NCKAP5: variants seen among roughly 807,000 people sequenced by gnomAD.
NCKAP5 encodes the protein NCK associated protein 5, also known as nck-associated protein 5.
A neutral mutation model predicts 167.0 loss-of-function variants in NCKAP5; 92 were observed. The ratio of observed to expected loss-of-function variants is 0.55; its 90% CI spans 0.47 to 0.66. The LOEUF (loss-of-function observed/expected upper bound fraction) is 0.66. Ranked by LOEUF, NCKAP5 falls within the 30% of genes least tolerant of loss-of-function variation. NCKAP5 has a pLI of 0.00. For missense variants in NCKAP5, 2,378 were observed against 2,315.0 expected (o/e 1.03, Z -0.56); for synonymous variants, 891 against 877.4 (o/e 1.02, Z -0.27).
chr2:133,433,394 T>C (rs1017322968), intron 3 of NCKAP5: 2 of 152,206 alleles, frequency 1.3e-5, no homozygotes, highest in African/African-American at 4.8e-5. Flanking sequence ...TGACAGGAAC[T>C]TTGAAAACTG....
rs764603879 is a variant in NCKAP5, at chr2:132,785,092, C to T, written c.1719G>A (p.Met573Ile). The change falls in exon 14 of 20, where the codon ATG becomes ATA. Residue 573 changes from methionine (M) to isoleucine (I), a missense_variant. Coordinates refer to ENST00000409261, the MANE Select transcript of NCKAP5 (RefSeq NM_207363.3). ...TGTCTGAAAGCTGGAGGTTGAGAGC[C>T]ATGCGGCCATGGCCTTGGCCCTGTG... is the stretch of plus-strand genomic sequence containing the variant. ...RGPQGQGHGR[M>I]ALNLQLSDTD... 6.2e-7 allele frequency: 1 copy of T among 1,614,042 alleles called. No homozygotes were observed. The highest frequency in any genetic ancestry group is 1.7e-5 in the Admixed American group (1 of 60,028).
intron 6 of NCKAP5, among the ~76,000 whole-genome samples, chr2:133,046,803 G>T (rs2079416350): frequency 6.6e-6 from 1 of 152,174 alleles, no homozygotes. Context: ...AAGAAAAAAG[G>T]AATGTCTAGA....
chr2:133,356,900 A>G (rs1475840259), intron 3 of NCKAP5, among the ~76,000 whole-genome samples: 1 of 152,220 alleles, frequency 6.6e-6, no homozygotes, highest in Non-Finnish European at 1.5e-5. Flanking sequence ...ATGTTCCTTT[A>G]CAACATTCCT....
chr2:132,962,757 AT>A (rs373078986), intron 8 of NCKAP5, among the ~76,000 whole-genome samples: 106 of 152,006 alleles, frequency 7.0e-4, no homozygotes, highest in African/African-American at 2.2e-3. Context: ...CGCCTGGCTA[AT>A]TTTTTTGTAT....
chr2:133,047,359 C>T (rs1489495662), intron 6 of NCKAP5, among the ~76,000 whole-genome samples: 4 of 152,166 alleles, frequency 2.6e-5, no homozygotes, highest in Admixed American at 2.6e-4. Flanking sequence ...TCCTTGTGAG[C>T]TTTGAATAGT....
At chr2:133,662,199 A>G in the NCKAP5 span, among the ~76,000 whole-genome samples, 1 of 152,186 alleles carries the variant, frequency 6.6e-6, no homozygotes, top group Non-Finnish European at 1.5e-5. Flanking sequence ...TGGCCAGATT[A>G]TTAAATTACT....
intron 19 of NCKAP5, among the ~76,000 whole-genome samples, chr2:132,680,552 A>C (rs1473602857): frequency 6.6e-6 from 1 of 152,206 alleles, no homozygotes; most frequent in East Asian, 1.9e-4. Flanking sequence ...TAGGGTTGTT[A>C]GAAAATAATA....
At chr2:132,958,523 A>G (rs1272374526) in intron 8 of NCKAP5, among the ~76,000 whole-genome samples, 3 of 152,162 alleles carry the variant, frequency 2.0e-5, no homozygotes, top group East Asian at 1.9e-4. Flanking sequence ...TTTTACATTT[A>G]TATCATTTTC....
At chr2:133,041,638 C>T (rs1382848475) in intron 6 of NCKAP5, among the ~76,000 whole-genome samples, 1 of 152,072 alleles carries the variant, frequency 6.6e-6, no homozygotes, top group East Asian at 1.9e-4. Context: ...TTCAATTTCA[C>T]AAAAGGTTGC....
intron 6 of NCKAP5, among the ~76,000 whole-genome samples, chr2:133,021,957 T>G (rs2078544377): frequency 6.6e-6 from 1 of 152,200 alleles, no homozygotes; most frequent in African/African-American, 2.4e-5. Flanking sequence ...AGCAAGGGAA[T>G]GGACAATGGT....
At chr2:132,964,616 A>G (rs2076607207) in intron 7 of NCKAP5, among the ~76,000 whole-genome samples, 1 of 152,152 alleles carries the variant, frequency 6.6e-6, no homozygotes, top group Non-Finnish European at 1.5e-5. Flanking sequence ...TAAAAAAAAA[A>G]GGATCCATTT....
chr2:132,973,766 C>G (rs2076901485), intron 7 of NCKAP5, among the ~76,000 whole-genome samples: 1 of 151,866 alleles, frequency 6.6e-6, no homozygotes, highest in Non-Finnish European at 1.5e-5. Flanking sequence ...AAAACCTTCT[C>G]TTTTTGCTGT....
intron 16 of NCKAP5, among the ~76,000 whole-genome samples, chr2:132,760,801 C>G (rs1286451917): frequency 6.6e-6 from 1 of 152,162 alleles, no homozygotes; most frequent in African/African-American, 2.4e-5. Flanking sequence ...TGTACTCAAA[C>G]AGTGTAATAT....
intron 6 of NCKAP5, among the ~76,000 whole-genome samples, chr2:133,058,298 A>T (rs367885886): frequency 1.3e-5 from 2 of 152,186 alleles, no homozygotes; most frequent in East Asian, 3.8e-4. Context: ...TTATTATTTA[A>T]GAAATATTTT....
At chr2:132,998,765 G>A (rs773268516) in intron 6 of NCKAP5, among the ~76,000 whole-genome samples, 4 of 152,094 alleles carry the variant, frequency 2.6e-5, no homozygotes, top group Non-Finnish European at 2.9e-5. Flanking sequence ...CCAGCACATA[G>A]TACAGTTCCA....
chr2:132,688,646 T>G (rs1308653613), intron 19 of NCKAP5, among the ~76,000 whole-genome samples: 3 of 152,032 alleles, frequency 2.0e-5, no homozygotes, highest in Non-Finnish European at 2.9e-5. Context: ...GAAGCTGAGC[T>G]ACATCACCTG....
chr2:133,570,456 A>G (rs756650940), upstream of NCKAP5, among the ~76,000 whole-genome samples: 4 of 152,202 alleles, frequency 2.6e-5, no homozygotes, highest in Non-Finnish European at 5.9e-5. Flanking sequence ...AGTTTCTCCC[A>G]GGATGCAATG....
chr2:133,249,055 T>G (rs1442196482), intron 4 of NCKAP5, among the ~76,000 whole-genome samples: 1 of 152,118 alleles, frequency 6.6e-6, no homozygotes, highest in Non-Finnish European at 1.5e-5. Context: ...AGCCATTCCC[T>G]TCCCCCATCC....
intron 3 of NCKAP5, among the ~76,000 whole-genome samples, chr2:133,345,409 A>T (rs938993915): frequency 6.6e-6 from 1 of 152,232 alleles, no homozygotes; most frequent in East Asian, 1.9e-4. Flanking sequence ...ACTTACTAAC[A>T]AACTAATAGA....
Sources: allele counts gnomAD v4.1 joint callset (sites outside exome capture counted in the v4.1 genomes callset), GRCh38; gene constraint gnomAD v4.1.1; transcripts MANE v1.5; gene names NCBI Gene and HGNC (gene_info 2026-07-23, HGNC 2026-07-21).